VPS13D: variants seen among roughly 807,000 people sequenced by gnomAD.
VPS13D encodes the protein intermembrane lipid transfer protein VPS13D.
Under a neutral mutation model 461.9 loss-of-function variants are expected in VPS13D, and 187 were observed. The ratio of observed to expected loss-of-function variants is 0.40; its 90% CI spans 0.36 to 0.46. The LOEUF is 0.46. Among genes scored for constraint, VPS13D ranks in the 20% least tolerant of loss-of-function variants. VPS13D has a pLI of 0.60. For synonymous variants in VPS13D, 1,951 were observed against 1,986.3 expected, an observed-to-expected ratio of 0.98 and a Z score of 0.47; for missense variants, 4,711 against 5,364.9, an observed-to-expected ratio of 0.88 and a Z score of 3.81.
intron 46 of VPS13D, among the ~76,000 whole-genome samples, chr1:12,353,383 A>G (rs979921903): frequency 2.6e-5 from 4 of 151,908 alleles, no homozygotes; most frequent in Admixed American, 2.6e-4. Flanking sequence ...AATACAAAAA[A>G]TTAGCTGGAC....
chr1:12,356,511 G>C lies in VPS13D; in HGVS notation c.9985G>C (p.Glu3329Gln). 6.2e-7 allele frequency: 1 copy of C among 1,613,584 alleles called. No individual in the cohort carries two copies. Among genetic ancestry groups the C allele is most frequent in the Non-Finnish European group, 8.5e-7 (1 of 1,179,872 alleles). The change falls in exon 49 of 70, where the codon GAG (glutamate) becomes CAG (glutamine). Residue 3329 changes from glutamate (E) to glutamine (Q), a missense_variant. Glu to Gln is a conservative substitution (Grantham distance 29). Transcript: ENST00000620676. ...SPLLFCYADKEQPNLCTMRIG... is the reference protein window; with the variant it reads ...SPLLFCYADKQQPNLCTMRIG... The stretch of plus-strand genomic sequence containing the variant: ...TCTCTTATTCTGCTATGCTGACAAA[G>C]AGCAGCCAAACCTGTGAGTACAGTT...
intron 67 of VPS13D, among the ~76,000 whole-genome samples, chr1:12,461,176 C>T (rs897098680): frequency 1.3e-5 from 2 of 152,162 alleles, no homozygotes; most frequent in Non-Finnish European, 2.9e-5. Context: ...AAGCTAGACT[C>T]GACTTAAGCC....
intron 22 of VPS13D, among the ~76,000 whole-genome samples, chr1:12,288,681 A>G (rs2101411605): frequency 6.6e-6 from 1 of 151,914 alleles, no homozygotes; most frequent in East Asian, 1.9e-4. Flanking sequence ...TTTGAGAGTT[A>G]AAGGGGACAT....
intron 65 of VPS13D, among the ~76,000 whole-genome samples, chr1:12,448,081 C>T (rs369049649): frequency 3.3e-5 from 5 of 152,048 alleles, no homozygotes; most frequent in Admixed American, 2.0e-4. Context: ...CCAAGGTCGC[C>T]GTGGGTAACT....
chr1:12,265,528 A>G (rs1641242468), intron 13 of VPS13D, among the ~76,000 whole-genome samples: 1 of 152,132 alleles, frequency 6.6e-6, no homozygotes, highest in Non-Finnish European at 1.5e-5. Context: ...GTATATAGAA[A>G]AGCTTCGGGA....
At chr1:12,368,667 T>C (rs1644072894) in intron 53 of VPS13D, 76 bp downstream of exon 53, 1 of 1,502,564 alleles carries the variant, frequency 6.7e-7, no homozygotes, top group Admixed American at 2.2e-5. Context: ...CTTGACACAA[T>C]GGTACAATAC....
At chr1:12,285,552 A>G (rs182642659) in intron 21 of VPS13D, among the ~76,000 whole-genome samples, 6 of 152,180 alleles carry the variant, frequency 3.9e-5, no homozygotes, top group Admixed American at 3.9e-4. Context: ...AGTCTCCCAA[A>G]GTGCTGGGAT....
intron 57 of VPS13D, among the ~76,000 whole-genome samples, chr1:12,382,205 G>A (rs936587145): frequency 1.3e-5 from 2 of 151,886 alleles, no homozygotes; most frequent in East Asian, 1.9e-4. Flanking sequence ...GGGCTCAAGC[G>A]ATTCTCCTGC....
In VPS13D at chr1:12,318,057, G is replaced by C; in HGVS notation, c.7149-15G>C. 1 of 1,591,862 alleles carries C rather than the reference G, an allele frequency of 6.3e-7. No homozygotes were observed. Among genetic ancestry groups the C allele is most frequent in the Non-Finnish European group, 8.6e-7 (1 of 1,165,662 alleles). ...TCTTTTTTCCTATTTATTTTCTCCT[G>C]TCTTCTTTTTATAGATCTACCAAGG... On this transcript the variant is annotated splice_polypyrimidine_tract_variant and intron_variant, in intron 30 of 69. Coordinates refer to ENST00000620676, the MANE Select transcript of VPS13D (RefSeq NM_015378.4).
chr1:12,453,260 C>A (rs765861126), intron 65 of VPS13D, among the ~76,000 whole-genome samples: 2 of 151,978 alleles, frequency 1.3e-5, no homozygotes, highest in Non-Finnish European at 2.9e-5. Flanking sequence ...AGATTATTCT[C>A]CCATATTCTC....
chr1:12,356,737 A>G (rs1643889065), intron 49 of VPS13D, among the ~76,000 whole-genome samples: 1 of 152,190 alleles, frequency 6.6e-6, no homozygotes, highest in East Asian at 1.9e-4. Context: ...GTTTATAATG[A>G]AAGCTAGTTT....
Position 12,251,653 on chromosome 1 carries a change from C to CT in VPS13D, c.565-2060dup, listed in dbSNP as rs199658334. On this transcript the variant is annotated intron_variant, in intron 6 of 69. Transcript: ENST00000620676. ...TGGCTCATACTTGAGACACTCATAA[C>CT]TTTTTTTTTCCTGGCACACTGAAGG... Among the ~76,000 whole-genome samples, 4 of 151,918 alleles carry CT rather than the reference C, an allele frequency of 2.6e-5. No homozygotes were observed. The East Asian group carries it at 5.8e-4, about 22-fold the overall frequency.
chr1:12,261,497 A>G (rs1240480493), intron 12 of VPS13D, among the ~76,000 whole-genome samples: 1 of 152,252 alleles, frequency 6.6e-6, no homozygotes, highest in Non-Finnish European at 1.5e-5. Flanking sequence ...ACTAAAATTT[A>G]ATTCGAATTG....
At chr1:12,401,040 T>C (rs891047606) in intron 61 of VPS13D, among the ~76,000 whole-genome samples, 1 of 151,668 alleles carries the variant, frequency 6.6e-6, no homozygotes, top group Admixed American at 6.6e-5. Flanking sequence ...CTATGATGGG[T>C]CTGACCTTGA....
At chr1:12,390,459 A>T (rs1644409973) in intron 60 of VPS13D, among the ~76,000 whole-genome samples, 2 of 152,202 alleles carry the variant, frequency 1.3e-5, no homozygotes, top group African/African-American at 4.8e-5. Context: ...GCACTTCTTT[A>T]GCCGTAAGGT....
In VPS13D at chr1:12,276,375, C is replaced by G; in HGVS notation, c.2787C>G (p.Asp929Glu). 1 of 1,614,184 alleles carries G rather than the reference C, an allele frequency of 6.2e-7. No homozygotes were observed. Residue 929 changes from aspartate (D) to glutamate (E), a missense_variant, in exon 19 of 70, where the codon GAC becomes GAG. Coordinates refer to ENST00000620676, the MANE Select transcript of VPS13D (RefSeq NM_015378.4). The surrounding 1 kb of genome is among the most constrained non-coding windows in gnomAD (Gnocchi z 4.5). ...PQEEQRGSLQDSVMNLTQSIV... is the reference protein window; with the variant it reads ...PQEEQRGSLQESVMNLTQSIV... ...AGGAGCAGCGGGGAAGTTTGCAAGA[C>G]TCCGTAATGAATTTAACCCAGAGCA...
At chr1:12,238,833 C>G (rs1029638093) in intron 2 of VPS13D, among the ~76,000 whole-genome samples, 1 of 151,882 alleles carries the variant, frequency 6.6e-6, no homozygotes, top group Admixed American at 6.6e-5. Context: ...CAGGGTTTCA[C>G]TATGTTGCCT....
At position 12,495,421 on chromosome 1, in the gene VPS13D, G is replaced by C. The variant is rs1425706099; in HGVS notation, c.12663-2079G>C. On this transcript the variant is annotated intron_variant, in intron 67 of 69. Transcript: ENST00000620676. This position sits in a 1 kb window ranked among gnomAD's most constrained non-coding sequence, Gnocchi z 4.0. ...GATCCATCCGCCTCGGCCTCCCAAA[G>C]TGCTGGGATTACAGGCGTGAGCCAC... Among the ~76,000 whole-genome samples, 1 of 152,144 alleles carries C rather than the reference G, an allele frequency of 6.6e-6. No individual in the cohort carries two copies. The highest frequency in any genetic ancestry group is 1.5e-5 in the Non-Finnish European group (1 of 68,024).
At chr1:12,401,466 A>G (rs1427686819) in intron 61 of VPS13D, 142 bp from the exon 62 acceptor site, 2 of 562,642 alleles carry the variant, frequency 3.6e-6, no homozygotes, top group African/African-American at 3.8e-5. Flanking sequence ...ATAGAGAGAG[A>G]TAACCCAGAA....
Sources: gnomAD v4.1 joint callset for allele counts (sites outside exome capture counted in the v4.1 genomes callset) on GRCh38, gnomAD v4.1.1 for gene constraint, Gnocchi (gnomAD v3.1) non-coding constraint, MANE v1.5 for transcripts, NCBI Gene and HGNC (gene_info 2026-07-23, HGNC 2026-07-21) for gene names.